The following UBASH3B variants were observed in gnomAD, a reference collection of about 807,000 sequenced individuals.
UBASH3B encodes the protein ubiquitin-associated and SH3 domain-containing protein B.
UBASH3B carries 37 observed loss-of-function variants against 83.4 expected under a neutral mutation model. That is an observed-to-expected ratio of 0.44 (90% confidence interval 0.34 to 0.58). UBASH3B has a LOEUF of 0.58. UBASH3B is among the 20% of genes least tolerant of loss of function. UBASH3B has a pLI of 0.01. For synonymous variants in UBASH3B, 304 were observed against 318.3 expected (o/e 0.96, Z 0.48); for missense variants, 657 against 827.2 (o/e 0.79, Z 2.52).
intron 1 of UBASH3B, among the ~76,000 whole-genome samples, chr11:122,735,689 A>G (rs909819858): frequency 1.3e-5 from 2 of 152,210 alleles, no homozygotes; most frequent in African/African-American, 4.8e-5. Flanking sequence ...GACATAGAAA[A>G]GTATGTAGAA....
intron 1 of UBASH3B, among the ~76,000 whole-genome samples, chr11:122,694,324 G>A (rs992953468): frequency 7.9e-5 from 12 of 151,942 alleles, no homozygotes; most frequent in Admixed American, 3.9e-4. Context: ...ATGGCAAGTG[G>A]TACTAATTTT....
intron 1 of UBASH3B, among the ~76,000 whole-genome samples, chr11:122,704,583 C>T (rs1371613174): frequency 2.0e-4 from 30 of 151,734 alleles, no homozygotes; most frequent in Non-Finnish European, 1.3e-4. Context: ...GATCTCGGCT[C>T]ACTGCAACCT....
At chr11:122,683,743 TTGTGTGTG>T (rs57305276) in intron 1 of UBASH3B, among the ~76,000 whole-genome samples, 174 of 99,110 alleles carry the variant, frequency 1.8e-3, no homozygotes, top group African/African-American at 4.0e-3. Context: ...TAAAAAAAAA[TTGTGTGTG>T]TGTGTGTGTG....
At chr11:122,781,709 T>A (rs557549012) in intron 4 of UBASH3B, among the ~76,000 whole-genome samples, 8 of 152,372 alleles carry the variant, frequency 5.3e-5, no homozygotes, top group African/African-American at 1.7e-4. Context: ...CTTGGTATTC[T>A]CCAGTTGTTG....
At chr11:122,762,447 G>A (rs1160637418) in intron 1 of UBASH3B, among the ~76,000 whole-genome samples, 6 of 152,128 alleles carry the variant, frequency 3.9e-5, no homozygotes, top group Non-Finnish European at 8.8e-5. Flanking sequence ...ACCAGCTCAG[G>A]GCTATCACTC....
At chr11:122,792,606 G>A (rs533889208) in intron 6 of UBASH3B, among the ~76,000 whole-genome samples, 7 of 152,236 alleles carry the variant, frequency 4.6e-5, no homozygotes, top group African/African-American at 9.6e-5. Context: ...GACGTGAGCC[G>A]CTGTGCCCAG....
chr11:122,784,677 C>G (rs775300154), intron 5 of UBASH3B, among the ~76,000 whole-genome samples: 1 of 152,076 alleles, frequency 6.6e-6, no homozygotes, highest in African/African-American at 2.4e-5. Context: ...ACATGAAAAA[C>G]AGTTAGAACC....
At chr11:122,665,075 T>G (rs1367959534) in intron 1 of UBASH3B, among the ~76,000 whole-genome samples, 1 of 152,058 alleles carries the variant, frequency 6.6e-6, no homozygotes, top group Non-Finnish European at 1.5e-5. Flanking sequence ...CCAGCTAATT[T>G]TTTTGTATTT....
At chr11:122,710,461 C>T (rs1864177098) in intron 1 of UBASH3B, among the ~76,000 whole-genome samples, 1 of 152,204 alleles carries the variant, frequency 6.6e-6, no homozygotes, top group South Asian at 2.1e-4. Context: ...GGTCCAGTCT[C>T]ATCCCATTTC....
At chr11:122,733,140 G>A (rs1165179069) in intron 1 of UBASH3B, among the ~76,000 whole-genome samples, 1 of 152,220 alleles carries the variant, frequency 6.6e-6, no homozygotes, top group Non-Finnish European at 1.5e-5. Flanking sequence ...GATATGGGGA[G>A]TCGAGTGTAG....
At chr11:122,771,937 G>A (rs543604900) in intron 1 of UBASH3B, among the ~76,000 whole-genome samples, 12 of 152,198 alleles carry the variant, frequency 7.9e-5, no homozygotes, top group Non-Finnish European at 1.0e-4. Context: ...ATTGATTTTC[G>A]CTGGATACTT....
intron 1 of UBASH3B, among the ~76,000 whole-genome samples, chr11:122,734,738 C>A (rs1198146895): frequency 6.6e-6 from 1 of 151,422 alleles, no homozygotes; most frequent in Non-Finnish European, 1.5e-5. Flanking sequence ...CCCCCCTCAT[C>A]AGATGTGCTT....
intron 4 of UBASH3B, among the ~76,000 whole-genome samples, chr11:122,780,719 G>T (rs752257273): frequency 6.6e-6 from 1 of 152,218 alleles, no homozygotes; most frequent in Non-Finnish European, 1.5e-5. Flanking sequence ...GCCTGCAGGC[G>T]GGCGGGTGGC....
At chr11:122,799,854 C>T (rs1331668322) in intron 10 of UBASH3B, among the ~76,000 whole-genome samples, 2 of 152,150 alleles carry the variant, frequency 1.3e-5, no homozygotes, top group African/African-American at 4.8e-5. Context: ...GGAAGGAAAA[C>T]TAAAAGCAAC....
chr11:122,694,485 G>A (rs1165671011), intron 1 of UBASH3B, among the ~76,000 whole-genome samples: 2 of 152,162 alleles, frequency 1.3e-5, no homozygotes, highest in African/African-American at 4.8e-5. Flanking sequence ...GCTTGAGCCT[G>A]AGAGTTGTAG....
intron 1 of UBASH3B, among the ~76,000 whole-genome samples, chr11:122,730,621 G>A (rs1055203270): frequency 2.0e-5 from 3 of 148,868 alleles, no homozygotes; most frequent in Admixed American, 6.7e-5. Flanking sequence ...TTGAGACAGA[G>A]TTTTGCTCTT....
chr11:122,724,944 A>G (rs1304709822), intron 1 of UBASH3B, among the ~76,000 whole-genome samples: 1 of 151,806 alleles, frequency 6.6e-6, no homozygotes, highest in African/African-American at 2.4e-5. Flanking sequence ...TTTGTATGTT[A>G]TTTTATTTAT....
At chr11:122,731,558 G>A (rs1170650414) in intron 1 of UBASH3B, among the ~76,000 whole-genome samples, 3 of 152,160 alleles carry the variant, frequency 2.0e-5, no homozygotes, top group African/African-American at 7.2e-5. Context: ...CTAACAGGCG[G>A]AGAGTGCAAA....
rs1318345834 is a variant in UBASH3B at position 122,811,659 on chromosome 11, TATGTC to T, written c.*1778_*1782del. On this transcript the variant is annotated 3_prime_UTR_variant, in exon 14 of 14. Transcript: ENST00000284273. ...ATTTTTTTTAGGTCACTTAGAAAAA[TATGTC>T]ATGTATTTTACATTTTGAGAAACAA... 1 of 151,960 alleles carries T rather than the reference TATGTC, an allele frequency of 6.6e-6. No individual in the cohort carries two copies. Among genetic ancestry groups the T allele is most frequent in the East Asian group, 1.9e-4 (1 of 5,182 alleles). 9.4% of individuals were successfully genotyped at this position (151,960 alleles called of 1,614,324 possible).
Sources: allele counts gnomAD v4.1 joint callset (sites outside exome capture counted in the v4.1 genomes callset), GRCh38; gene constraint gnomAD v4.1.1; transcripts MANE v1.5; gene names NCBI Gene and HGNC (gene_info 2026-07-23, HGNC 2026-07-21).